Variants in WDR41 observed in about 807,000 individuals in gnomAD.
WDR41 encodes WD repeat-containing protein 41.
WDR41 carries 63 observed loss-of-function variants against 69.3 expected under a neutral mutation model. The observed-to-expected ratio is 0.91, with a 90% CI of 0.74 to 1.12. WDR41 has a LOEUF of 1.12. WDR41 is among the 50% of genes most tolerant of loss of function. The pLI is 0.00. For missense variants in WDR41, 543 were observed against 534.5 expected (o/e 1.02, Z -0.16); for synonymous variants, 185 against 192.1 (o/e 0.96, Z 0.31).
intron 1 of WDR41, among the ~76,000 whole-genome samples, chr5:77,556,285 A>G (rs897865365): frequency 1.4e-5 from 2 of 145,390 alleles, no homozygotes; most frequent in Non-Finnish European, 3.0e-5. Context: ...TTGTATTTTT[A>G]GTAGACATGG....
chr5:77,485,583 T>G (rs72769073), intron 2 of WDR41, among the ~76,000 whole-genome samples: 2,754 of 152,296 alleles, frequency 0.018, 35 homozygotes, highest in Middle Eastern at 0.061. Context: ...CGGAGAAAAC[T>G]CTTCTTAAAA....
At chr5:77,456,844 G>C (rs1334018752) in intron 5 of WDR41, among the ~76,000 whole-genome samples, 1 of 152,096 alleles carries the variant, frequency 6.6e-6, no homozygotes, top group East Asian at 1.9e-4. Context: ...TGGGATTACA[G>C]ACATGTGCCA....
At chr5:77,471,826 C>T (rs943828492) in intron 2 of WDR41, among the ~76,000 whole-genome samples, 1 of 152,140 alleles carries the variant, frequency 6.6e-6, no homozygotes, top group Non-Finnish European at 1.5e-5. Flanking sequence ...CAGATGGATT[C>T]ACAGCCGAAT....
At chr5:77,560,004 G>A (rs528257224) in intron 1 of WDR41, among the ~76,000 whole-genome samples, 2 of 152,236 alleles carry the variant, frequency 1.3e-5, no homozygotes, top group South Asian at 4.1e-4. Flanking sequence ...AGGGGGAAAA[G>A]GGAGACTCCC....
intron 1 of WDR41, among the ~76,000 whole-genome samples, chr5:77,510,867 G>A (rs534259595): frequency 2.7e-5 from 4 of 147,636 alleles, no homozygotes; most frequent in East Asian, 4.1e-4. Context: ...TGCCTCCCAG[G>A]TTCAAGCGAT....
chr5:77,533,568 A>G (rs186191985), intron 1 of WDR41, among the ~76,000 whole-genome samples: 2 of 152,248 alleles, frequency 1.3e-5, no homozygotes, highest in African/African-American at 4.8e-5. Flanking sequence ...AGAGTAGGGG[A>G]TGGCTATGGG....
At chr5:77,449,960 G>A (rs1228386602) in intron 7 of WDR41, 90 bp from the exon 8 acceptor site, 1 of 846,218 alleles carries the variant, frequency 1.2e-6, no homozygotes. Context: ...TTCATTAAGT[G>A]AAAAATACCT....
chr5:77,618,408 T>C (rs1386530734), intron 1 of WDR41, among the ~76,000 whole-genome samples: 1 of 152,172 alleles, frequency 6.6e-6, no homozygotes, highest in Admixed American at 6.5e-5. Context: ...AGTCTCACTT[T>C]GTCACCCAGG....
intron 1 of WDR41, among the ~76,000 whole-genome samples, chr5:77,521,515 T>C (rs1044519502): frequency 2.6e-5 from 4 of 152,202 alleles, no homozygotes; most frequent in Admixed American, 6.5e-5. Flanking sequence ...CCAATGAAAA[T>C]ATTATACCAA....
intron 8 of WDR41, among the ~76,000 whole-genome samples, chr5:77,447,306 C>T (rs1021804667): frequency 5.3e-5 from 8 of 152,176 alleles, no homozygotes; most frequent in Non-Finnish European, 7.3e-5. Context: ...AACATTTTTA[C>T]ACTGTTGGTG....
At chr5:77,483,703 A>T (rs1432838271) in intron 2 of WDR41, among the ~76,000 whole-genome samples, 2 of 152,178 alleles carry the variant, frequency 1.3e-5, no homozygotes, top group African/African-American at 4.8e-5. Flanking sequence ...CCTAGCTTGA[A>T]TTCTTCAGAG....
intron 1 of WDR41, among the ~76,000 whole-genome samples, chr5:77,500,135 G>A (rs906349542): frequency 6.6e-6 from 1 of 152,086 alleles, no homozygotes; most frequent in Non-Finnish European, 1.5e-5. Context: ...TACAGATGTT[G>A]GAATTACCTG....
chr5:77,568,435 T>C (rs1372693975), intron 1 of WDR41, among the ~76,000 whole-genome samples: 1 of 152,186 alleles, frequency 6.6e-6, no homozygotes, highest in Non-Finnish European at 1.5e-5. Context: ...CCATTCTTCC[T>C]GAGATTATGA....
rs775089113 is a variant in WDR41, at chr5:77,489,488, CA to C, written c.135del (p.Ile45MetfsTer8). 1 of 1,603,184 alleles carries C rather than the reference CA, an allele frequency of 6.2e-7. No homozygotes were observed. The highest frequency in any genetic ancestry group is 2.3e-5 in the East Asian group (1 of 44,426). On this transcript the variant is annotated frameshift_variant, in exon 2 of 13. Coordinates refer to ENST00000296679, the MANE Select transcript of WDR41 (RefSeq NM_018268.4). LOFTEE classifies it high-confidence loss of function. The stretch of plus-strand genomic sequence containing the variant: ...TCATCTAACTGTACCAGAAATCGTA[CA>C]ATATCATGATGAGCCTTCAGTACTA... ...ELLVLKAHHD[I>X]VRFLVQLDDY...
intron 1 of WDR41, among the ~76,000 whole-genome samples, chr5:77,576,052 GTTC>G (rs1438671563): frequency 6.6e-6 from 1 of 152,142 alleles, no homozygotes; most frequent in East Asian, 1.9e-4. Context: ...AGATTTAATA[GTTC>G]TCTCCTGGAT....
At chr5:77,473,663 A>G (rs566372564) in intron 2 of WDR41, among the ~76,000 whole-genome samples, 32 of 152,354 alleles carry the variant, frequency 2.1e-4, no homozygotes, top group Non-Finnish European at 3.7e-4. Flanking sequence ...TCAAAAGAAG[A>G]TATTTATGCA....
At chr5:77,492,799 G>A (rs1801871192), upstream of WDR41, among the ~76,000 whole-genome samples, 1 of 152,180 alleles carries the variant, frequency 6.6e-6, no homozygotes, top group Admixed American at 6.5e-5. Flanking sequence ...TTTACTGTGT[G>A]CTATAGTACA....
intron 2 of WDR41, among the ~76,000 whole-genome samples, chr5:77,482,362 A>T (rs1801309405): frequency 6.6e-6 from 1 of 152,226 alleles, no homozygotes; most frequent in Non-Finnish European, 1.5e-5. Context: ...TTTTTTAAAC[A>T]GTTAGAAGGA....
rs1801832557 is a variant in WDR41 at position 77,492,169 on chromosome 5, C to G, written c.51+1G>C. ...GCAGAGCAGACCCACCCGGGGTTTA[C>G]CTCGGCCAGTCCCTGCGGTTCTCGG... On this transcript the variant is annotated splice_donor_variant, in intron 1 of 12. Coordinates refer to ENST00000296679, the MANE Select transcript of WDR41 (RefSeq NM_018268.4). LOFTEE classifies it high-confidence loss of function. The G allele has an allele frequency of 6.2e-7, 1 of 1,611,934 alleles. No individual in the cohort carries two copies. Among genetic ancestry groups the G allele is most frequent in the Non-Finnish European group, 8.5e-7 (1 of 1,179,310 alleles).
Sources: gnomAD v4.1 joint callset for allele counts (sites outside exome capture counted in the v4.1 genomes callset) on GRCh38, gnomAD v4.1.1 for gene constraint, MANE v1.5 for transcripts, NCBI Gene and HGNC (gene_info 2026-07-23, HGNC 2026-07-21) for gene names.